The following PLEKHB1 variants were observed in gnomAD, a reference collection of about 807,000 sequenced individuals.
PLEKHB1 encodes the protein pleckstrin homology domain containing B1.
A neutral mutation model predicts 36.2 loss-of-function variants in PLEKHB1; 29 were observed. That is an observed-to-expected ratio of 0.80 (90% CI 0.60 to 1.09). PLEKHB1 has a LOEUF of 1.09. Among genes scored for constraint, PLEKHB1 ranks in the 50% least tolerant of loss-of-function variants. PLEKHB1 has a pLI of 0.00. For missense variants in PLEKHB1, 330 were observed against 348.2 expected (o/e 0.95, Z 0.42); for synonymous variants, 138 against 140.0 (o/e 0.99, Z 0.10).
intron 5 of PLEKHB1, 106 bp downstream of exon 5, chr11:73,653,120 G>A (rs1944931037): frequency 8.2e-7 from 1 of 1,221,368 alleles, no homozygotes; most frequent in Non-Finnish European, 1.2e-6. Context: ...AGTCTTATGT[G>A]GATAGGTTTC....
rs548136212 is a variant in PLEKHB1 at position 73,662,754 on chromosome 11, T to G, written c.*1152T>G. The G allele has an allele frequency of 6.6e-6, 1 of 152,336 alleles. No individual in the cohort carries two copies. The highest frequency in any genetic ancestry group is 2.1e-4 in the South Asian group (1 of 4,822). 9.4% of individuals were successfully genotyped at this position (152,336 alleles called of 1,614,324 possible). A position where few individuals can be genotyped will look rare whatever the true frequency, so the allele number is the denominator to read the frequency against. On this transcript the variant is annotated 3_prime_UTR_variant, in exon 8 of 8. Coordinates refer to ENST00000354190, the MANE Select transcript of PLEKHB1 (RefSeq NM_021200.3). ...CCAGACTAGCCCACTAAAGCTCCCC[T>G]GTAAATGGGGGCTCCATTAGTTCTG...
Position 73,661,830 on chromosome 11 carries a change from A to T in PLEKHB1, c.*228A>T. The T allele has an allele frequency of 1.9e-6, 1 of 524,414 alleles. No individual in the cohort carries two copies. The highest frequency in any genetic ancestry group is 3.3e-5 in the East Asian group (1 of 29,938). 32.5% of individuals were successfully genotyped at this position (524,414 alleles called of 1,614,324 possible). On this transcript the variant is annotated 3_prime_UTR_variant, in exon 8 of 8. Transcript: ENST00000354190. This position sits in a 1 kb window ranked among gnomAD's most constrained non-coding sequence, Gnocchi z 4.6. Reference sequence around the variant, plus strand: ...TTGAAGTCTTCACATCTACCACTAGACACCCCCAAAATCTGTTATAGACAT... The same window carrying T: ...TTGAAGTCTTCACATCTACCACTAGTCACCCCCAAAATCTGTTATAGACAT...
intron 1 of PLEKHB1, chr11:73,647,784 C>T: frequency 2.0e-6 from 2 of 982,794 alleles, no homozygotes; most frequent in Non-Finnish European, 2.4e-6. Context: ...CTGCACCTGA[C>T]CCTCTTGTCT....
chr11:73,655,693 C>T (rs570839748), intron 5 of PLEKHB1, 110 bp from the exon 6 acceptor site: 5 of 862,138 alleles, frequency 5.8e-6, no homozygotes, highest in African/African-American at 5.0e-5. Flanking sequence ...GCCCAGCTGG[C>T]GGAGGGCTCT....
chr11:73,659,700 T>G (rs1945065103), intron 6 of PLEKHB1, among the ~76,000 whole-genome samples: 1 of 152,150 alleles, frequency 6.6e-6, no homozygotes, highest in East Asian at 1.9e-4. Flanking sequence ...GGGTGACCGT[T>G]GAGCTAGGCT....
intron 1 of PLEKHB1, 70 bp downstream of exon 1, chr11:73,646,696 C>T (rs887020806): frequency 1.3e-6 from 2 of 1,506,190 alleles, no homozygotes; most frequent in Non-Finnish European, 1.8e-6. Flanking sequence ...ACATAGGGGA[C>T]GGGACAGAAG....
intron 1 of PLEKHB1, chr11:73,647,426 T>C: frequency 3.2e-6 from 1 of 311,230 alleles, no homozygotes; most frequent in African/African-American, 2.2e-5. Context: ...AAGTATTTCA[T>C]GATAAATGAG....
Position 73,650,603 on chromosome 11 carries a change from G to A in PLEKHB1, c.145G>A (p.Gly49Arg), listed in dbSNP as rs756404187. The change falls in exon 3 of 8, where the codon GGG becomes AGG. Residue 49 changes from glycine to arginine, a missense_variant. Transcript: ENST00000354190. ...GAACTGGTTTGCCCTGTGGCTGGACGGGACCCTGGGATACTACCACGATGA... is the reference window on the plus strand; with the variant it reads ...GAACTGGTTTGCCCTGTGGCTGGACAGGACCCTGGGATACTACCACGATGA... ...KRNWFALWLD[G>R]TLGYYHDETA... 53 of 1,613,068 alleles carry A rather than the reference G, an allele frequency of 3.3e-5. No individual in the cohort carries two copies. The highest frequency in any genetic ancestry group is 5.3e-5 in the African/African-American group (4 of 74,908).
intron 6 of PLEKHB1, among the ~76,000 whole-genome samples, chr11:73,656,876 G>T (rs1945004005): frequency 6.6e-6 from 1 of 152,224 alleles, no homozygotes; most frequent in Non-Finnish European, 1.5e-5. Context: ...CTCCTGGCCA[G>T]GCCTGGTGGC....
rs141371201 is a variant in PLEKHB1, at chr11:73,648,697, C to G, written c.19-315C>G. ...TGCCTGCCTCACAGACACACTTCTA[C>G]AGATCTAGAAACTGAGACCAGGACA... On this transcript the variant is annotated intron_variant, in intron 1 of 7. Transcript: ENST00000354190. 6.0e-4 allele frequency: 652 copies of G among 1,084,486 alleles called. 11 individuals are homozygous for G. In the Admixed American group the frequency reaches 0.025, roughly 41 times the overall value. The allele number at this position is 1,084,486 out of a possible 1,614,324, so 67.2% of individuals were successfully genotyped here.
chr11:73,660,725 G>A (rs750517656), intron 6 of PLEKHB1, 28 bp from the exon 7 acceptor site: 1 of 1,560,552 alleles, frequency 6.4e-7, no homozygotes, highest in Non-Finnish European at 8.7e-7. Context: ...GGGAGTTCCT[G>A]GGCACCTGAC....
In PLEKHB1 at chr11:73,656,096, C is replaced by T. The variant is rs565053672; in HGVS notation, c.495+189C>T. Among the ~76,000 whole-genome samples, 8 of 152,352 alleles carry T rather than the reference C, an allele frequency of 5.3e-5. No homozygotes were observed. In the South Asian group the frequency reaches 1.4e-3, roughly 28 times the overall value. On this transcript the variant is annotated intron_variant, in intron 6 of 7. Transcript: ENST00000354190. ...CAGACCTTTTCCCTCTGCCAGCCTT[C>T]GCACATGCTGTTCCCTCTGCTGACA...
At chr11:73,648,988 T>C in intron 1 of PLEKHB1, 24 bp from the exon 2 acceptor site, 1 of 1,574,510 alleles carries the variant, frequency 6.4e-7, no homozygotes, top group Non-Finnish European at 8.6e-7. Context: ...CTGAGGCCTG[T>C]GTCTCCCGTG....
rs1286881413 is a variant in PLEKHB1 at position 73,653,513 on chromosome 11, G to GCC, written c.390+500_390+501dup. 7.3e-5 allele frequency: 33 copies of GCC among 452,930 alleles called. No individual in the cohort carries two copies. The East Asian group carries it at 2.3e-3, about 32-fold the overall frequency. 28.1% of individuals were successfully genotyped at this position (452,930 alleles called of 1,614,324 possible). Reference sequence around the variant, plus strand: ...CCACCTGGACTCAGCCTAATGAGAAGCCAGACATGGAACAACTAATTAATT... The same window carrying GCC: ...CCACCTGGACTCAGCCTAATGAGAAGCCCCAGACATGGAACAACTAATTAATT... On this transcript the variant is annotated intron_variant, in intron 5 of 7. Coordinates refer to ENST00000354190, the MANE Select transcript of PLEKHB1 (RefSeq NM_021200.3).
intron 1 of PLEKHB1, among the ~76,000 whole-genome samples, chr11:73,648,446 G>A (rs926686967): frequency 2.0e-5 from 3 of 152,140 alleles, no homozygotes; most frequent in Admixed American, 6.5e-5. Context: ...CAGAGTGCTC[G>A]GTCCATCACA....
At chr11:73,660,660 T>A (rs1411543817) in intron 6 of PLEKHB1, 93 bp from the exon 7 acceptor site, 10 of 1,239,644 alleles carry the variant, frequency 8.1e-6, no homozygotes, top group Admixed American at 6.6e-5. Context: ...GGTGGCTCCA[T>A]GGATCCCAGA....
Position 73,661,039 on chromosome 11 carries a change from C to T in PLEKHB1, c.595+187C>T. 6.2e-6 allele frequency: 4 copies of T among 645,614 alleles called. No homozygotes were observed. Among genetic ancestry groups the T allele is most frequent in the Non-Finnish European group, 1.1e-5 (4 of 371,750 alleles). The allele number at this position is 645,614 out of a possible 1,614,324, so 40.0% of individuals were successfully genotyped here. The stretch of plus-strand genomic sequence containing the variant: ...AGAGCTCTGGAACCAGCGTTCGTCT[C>T]GAGCTGACCTCACCCTTCTGGGATG... On this transcript the variant is annotated intron_variant, in intron 7 of 7. Transcript: ENST00000354190. This position sits in a 1 kb window ranked among gnomAD's most constrained non-coding sequence, Gnocchi z 4.6.
Position 73,655,910 on chromosome 11 carries a change from A to C in PLEKHB1, c.495+3A>C. The stretch of plus-strand genomic sequence containing the variant: ...GTAAGGTTGAGAGGCGGATCTGGGT[A>C]AGTGCTGGCTCGGCCCTCCCTGCCT... On this transcript the variant is annotated splice_donor_region_variant and intron_variant, in intron 6 of 7. Coordinates refer to ENST00000354190, the MANE Select transcript of PLEKHB1 (RefSeq NM_021200.3). The C allele has an allele frequency of 6.2e-7, 1 of 1,613,404 alleles. No individual in the cohort carries two copies. Among genetic ancestry groups the C allele is most frequent in the Non-Finnish European group, 8.5e-7 (1 of 1,179,622 alleles).
chr11:73,653,477 A>G (rs1376715626), intron 5 of PLEKHB1: 1 of 461,474 alleles, frequency 2.2e-6, no homozygotes, highest in African/African-American at 2.0e-5. Flanking sequence ...CCAAGGAGAT[A>G]TGGGCTCTGC....
Sources: gnomAD v4.1 joint callset for allele counts (sites outside exome capture counted in the v4.1 genomes callset) on GRCh38, gnomAD v4.1.1 for gene constraint, Gnocchi (gnomAD v3.1) non-coding constraint, MANE v1.5 for transcripts, NCBI Gene and HGNC (gene_info 2026-07-23, HGNC 2026-07-21) for gene names.